Variants in PAN3 observed in about 807,000 individuals in gnomAD.
PAN3 encodes the protein PAN2-PAN3 deadenylation complex subunit PAN3.
In PAN3, 19 loss-of-function variants were observed where a neutral mutation model predicts 96.2. The observed-to-expected ratio is 0.20, with a 90% confidence interval of 0.14 to 0.29. The LOEUF (loss-of-function observed/expected upper bound fraction) is 0.29. Among genes scored for constraint, PAN3 ranks in the 10% least tolerant of loss-of-function variants. The pLI, the probability that PAN3 is intolerant of heterozygous loss-of-function variation, is 1.00. For synonymous variants in PAN3, 433 were observed against 406.6 expected, an observed-to-expected ratio of 1.06 and a Z score of -0.78; for missense variants, 882 against 1,108.1, an observed-to-expected ratio of 0.80 and a Z score of 2.90.
chr13:28,171,495 A>G (rs2138085040), intron 1 of PAN3, among the ~76,000 whole-genome samples: 1 of 152,270 alleles, frequency 6.6e-6, no homozygotes, highest in East Asian at 1.9e-4. Context: ...CAGATTATCC[A>G]CACTTCTATC....
intron 5 of PAN3, among the ~76,000 whole-genome samples, chr13:28,217,382 G>C (rs543806958): frequency 2.6e-5 from 4 of 152,202 alleles, no homozygotes; most frequent in Non-Finnish European, 4.4e-5. Flanking sequence ...AGGAGTTTGA[G>C]ACCAACTTGG....
chr13:28,292,530 T>TA lies in PAN3; in HGVS notation c.*14dup, dbSNP rs780858969. ...GCAAATGGTCAGTTGTAGTATTTGC[T>TA]AAAAAAGCACGCAGGACATGGCTAA... On this transcript the variant is annotated 3_prime_UTR_variant, in exon 19 of 19. Transcript: ENST00000380958. The TA allele has an allele frequency of 3.7e-6, 6 of 1,602,050 alleles. No individual in the cohort carries two copies. Among genetic ancestry groups the TA allele is most frequent in the East Asian group, 2.2e-5 (1 of 44,590 alleles).
intron 6 of PAN3, chr13:28,239,654 A>G: frequency 7.8e-7 from 1 of 1,289,684 alleles, no homozygotes; most frequent in Non-Finnish European, 1.0e-6. Context: ...TGATTCGACT[A>G]AAGGATGGAT....
chr13:28,250,969 A>G (rs1265661159), intron 6 of PAN3, among the ~76,000 whole-genome samples: 2 of 151,442 alleles, frequency 1.3e-5, no homozygotes, highest in East Asian at 1.9e-4. Flanking sequence ...GCTCTTTTAA[A>G]TTTTCCAGGT....
At chr13:28,195,505 GT>G (rs562536836) in intron 4 of PAN3, among the ~76,000 whole-genome samples, 1 of 151,148 alleles carries the variant, frequency 6.6e-6, no homozygotes, top group South Asian at 2.1e-4. Flanking sequence ...TTTTGTCCTT[GT>G]TTTTTTTTGT....
At chr13:28,224,373 T>G (rs572461195) in intron 6 of PAN3, among the ~76,000 whole-genome samples, 1 of 152,308 alleles carries the variant, frequency 6.6e-6, no homozygotes, top group East Asian at 1.9e-4. Context: ...TTCTGCATGG[T>G]GTTCTTGTGT....
rs1305640286 is a variant in PAN3, at chr13:28,194,766, G to A, written c.691-2419G>A. Among the ~76,000 whole-genome samples, 3 of 151,756 alleles carry A rather than the reference G, an allele frequency of 2.0e-5. No individual in the cohort carries two copies. The South Asian group carries it at 6.2e-4, about 32-fold the overall frequency. ...ATTACAGGCATGAGCCACCGTTCCC[G>A]GCCAAATATAAATTTTAAATTAGTA... On this transcript the variant is annotated intron_variant, in intron 4 of 18. Transcript: ENST00000380958.
At chr13:28,270,589 A>G (rs900628813) in intron 12 of PAN3, 112 bp from the exon 13 acceptor site, 3 of 1,073,648 alleles carry the variant, frequency 2.8e-6, no homozygotes, top group African/African-American at 1.6e-5. Context: ...ATATAAATTG[A>G]CATGTTGTGC....
At chr13:28,172,455 C>CA (rs757814023) in intron 1 of PAN3, among the ~76,000 whole-genome samples, 42 of 147,416 alleles carry the variant, frequency 2.8e-4, no homozygotes, top group African/African-American at 6.5e-4. Context: ...GACTCTGTCT[C>CA]AAAAAAAAAA....
At chr13:28,254,776 T>C (rs971498599) in intron 6 of PAN3, among the ~76,000 whole-genome samples, 2 of 152,168 alleles carry the variant, frequency 1.3e-5, no homozygotes, top group African/African-American at 4.8e-5. Context: ...CGAGAATTCC[T>C]ATCCTATTTT....
In PAN3 at chr13:28,176,449, C is replaced by A. The variant is rs1296797948; in HGVS notation, c.553-44C>A. The A allele has an allele frequency of 2.6e-6, 4 of 1,548,348 alleles. No individual in the cohort carries two copies. The African/African-American group carries it at 4.1e-5, about 16-fold the overall frequency. Reference sequence around the variant, plus strand: ...CTTAATTGGTTGGATACTTTTATTTCTGTATTCCTCAGTGATGTTATAAAT... The same window carrying A: ...CTTAATTGGTTGGATACTTTTATTTATGTATTCCTCAGTGATGTTATAAAT... On this transcript the variant is annotated intron_variant, in intron 2 of 18. Coordinates refer to ENST00000380958, the MANE Select transcript of PAN3 (RefSeq NM_175854.8).
chr13:28,215,792 T>A (rs1333284894), intron 5 of PAN3: 2 of 1,402,900 alleles, frequency 1.4e-6, no homozygotes, highest in Non-Finnish European at 2.0e-6. Flanking sequence ...CTGTTGGTGA[T>A]GTGAGACAGA....
At chr13:28,217,901 A>G (rs1312038368) in intron 5 of PAN3, among the ~76,000 whole-genome samples, 1 of 151,872 alleles carries the variant, frequency 6.6e-6, no homozygotes, top group Non-Finnish European at 1.5e-5. Flanking sequence ...TTGAAGTTAT[A>G]ATTTATATAA....
At chr13:28,289,183 A>C (rs1869385512) in intron 18 of PAN3, among the ~76,000 whole-genome samples, 1 of 152,218 alleles carries the variant, frequency 6.6e-6, no homozygotes, top group South Asian at 2.1e-4. Context: ...TAGTGACATC[A>C]GTTACTAGCA....
intron 1 of PAN3, among the ~76,000 whole-genome samples, chr13:28,172,040 C>T (rs755830213): frequency 6.6e-6 from 1 of 152,074 alleles, no homozygotes; most frequent in African/African-American, 2.4e-5. Flanking sequence ...AATATTTGAA[C>T]AAAAGATGCT....
At chr13:28,278,746 C>T (rs897889347) in intron 15 of PAN3, among the ~76,000 whole-genome samples, 10 of 151,892 alleles carry the variant, frequency 6.6e-5, no homozygotes, top group African/African-American at 1.5e-4. Context: ...TTTAGAGTTA[C>T]AAAACTGAGC....
At chr13:28,291,829 C>A (rs1016179073) in intron 18 of PAN3, among the ~76,000 whole-genome samples, 7 of 151,896 alleles carry the variant, frequency 4.6e-5, no homozygotes, top group Non-Finnish European at 7.4e-5. Flanking sequence ...AACTCCATCC[C>A]CAAAAATTAA....
chr13:28,215,848 G>C, intron 5 of PAN3: 1 of 1,397,286 alleles, frequency 7.2e-7, no homozygotes, highest in Non-Finnish European at 1.0e-6. Flanking sequence ...AAGGCTGCTG[G>C]AGCTGGCAAG....
Position 28,174,412 on chromosome 13 carries a change from C to A in PAN3, c.552+19C>A. ...GATGCAGGTATCCTTAGTATAAATT[C>A]ATATTGCACTATGAAGTTTATTCTA... is the stretch of plus-strand genomic sequence containing the variant. On this transcript the variant is annotated intron_variant, in intron 2 of 18. Coordinates refer to ENST00000380958, the MANE Select transcript of PAN3 (RefSeq NM_175854.8). 3 of 1,609,994 alleles carry A rather than the reference C, an allele frequency of 1.9e-6. No homozygotes were observed. The South Asian group carries it at 3.3e-5, about 18-fold the overall frequency.
Sources: allele counts gnomAD v4.1 joint callset (sites outside exome capture counted in the v4.1 genomes callset), GRCh38; gene constraint gnomAD v4.1.1; transcripts MANE v1.5; gene names NCBI Gene and HGNC (gene_info 2026-07-23, HGNC 2026-07-21).